Variants in SCART1 observed in about 807,000 individuals in gnomAD.
SCART1 encodes the protein scavenger receptor family member expressed on T cells 1, also known as scavenger receptor cysteine-rich domain-containing protein SCART1.
In SCART1, 62 loss-of-function variants were observed where a neutral mutation model predicts 36.2. That is an observed-to-expected ratio of 1.71 (90% confidence interval 1.40 to 2.12). The LOEUF (loss-of-function observed/expected upper bound fraction) is 2.12, where lower values mean the gene tolerates loss of function less well. Ranked by LOEUF, SCART1 falls within the 30% of genes most tolerant of loss-of-function variation. SCART1 has a pLI of 0.00. For missense variants in SCART1, 1,041 were observed against 540.5 expected (o/e 1.93, Z -9.18); for synonymous variants, 487 against 238.7 (o/e 2.04, Z -9.59).
At chr10:133,457,518 GACA>G (rs755815290) in exon 3 of SCART1, 24 of 702,632 alleles carry the variant, frequency 3.4e-5, no homozygotes, top group Middle Eastern at 2.3e-4. Flanking sequence ...CTGCAGACTG[GACA>G]ACAACTTCCG....
At chr10:133,465,287 G>C (rs753580422) in exon 9 of SCART1, 18 of 683,804 alleles carry the variant, frequency 2.6e-5, no homozygotes, top group Non-Finnish European at 2.7e-6. Flanking sequence ...GGCGAGGACC[G>C]CTGCTCCGGG....
chr10:133,458,621 G>A (rs1258644098), exon 4 of SCART1: 5 of 698,030 alleles, frequency 7.2e-6, no homozygotes, highest in African/African-American at 3.5e-5. Context: ...GGGAGCCAGT[G>A]TGGGCATGGT....
exon 12 of SCART1, chr10:133,467,867 C>T (rs1023970332): frequency 1.2e-5 from 8 of 692,740 alleles, no homozygotes. Context: ...GGTGTCTAAC[C>T]TCCTGGAGGG....
intron 6 of SCART1, 45 bp downstream of exon 6, chr10:133,460,215 T>A (rs969880792): frequency 2.2e-6 from 1 of 449,566 alleles, no homozygotes; most frequent in Non-Finnish European, 3.9e-6. Flanking sequence ...TTTTATTACG[T>A]ACAGTCATGC....
chr10:133,457,419 T>A (rs1196123334), exon 3 of SCART1: 1 of 701,932 alleles, frequency 1.4e-6, no homozygotes, highest in Non-Finnish European at 2.6e-6. Flanking sequence ...GGAGCTGGGG[T>A]GCGGCCCTGT....
At chr10:133,467,082 A>G in intron 10 of SCART1, 116 bp from the exon 11 acceptor site, 1 of 573,192 alleles carries the variant, frequency 1.7e-6, no homozygotes, top group South Asian at 2.2e-5. Context: ...CCCAGCCCAC[A>G]GCATCCTGCC....
intron 6 of SCART1, among the ~76,000 whole-genome samples, chr10:133,463,240 A>T (rs11817058): frequency 0.033 from 5,094 of 152,158 alleles, 147 homozygotes; most frequent in African/African-American, 0.077. Flanking sequence ...ACACACACAC[A>T]CTTAAATAAT....
downstream of SCART1, chr10:133,469,211 A>G (rs1479438917): frequency 6.6e-6 from 1 of 152,100 alleles, no homozygotes; most frequent in Non-Finnish European, 1.5e-5. Context: ...TCCTTCACCC[A>G]CTTTTTGATG....
exon 3 of SCART1, chr10:133,457,289 C>G (rs1381266238): frequency 2.9e-6 from 2 of 700,766 alleles, no homozygotes; most frequent in Non-Finnish European, 5.2e-6. Context: ...ACGGCACTTT[C>G]CGGGAGCTCC....
In SCART1 at chr10:133,457,709, G is replaced by A. The variant is rs76690644; in HGVS notation, c.682+134G>A. ...TCCTGCATGAGACATTGGGCGCAGA[G>A]GTGGGAAAGGGCCTCAGCTCTCACG... is the stretch of plus-strand genomic sequence containing the variant. On this transcript the variant is annotated intron_variant, in intron 3 of 11. Coordinates refer to ENST00000640237, the Ensembl canonical transcript of SCART1. 1,436 of 572,634 alleles carry A rather than the reference G, an allele frequency of 2.5e-3. 23 individuals carry two copies. In the East Asian group the frequency reaches 0.035, roughly 14 times the overall value. 35.5% of individuals were successfully genotyped at this position (572,634 alleles called of 1,614,324 possible). A position where few individuals can be genotyped will look rare whatever the true frequency, so the allele number is the denominator to read the frequency against.
intron 6 of SCART1, among the ~76,000 whole-genome samples, chr10:133,462,797 A>G (rs1387515827): frequency 6.6e-6 from 1 of 152,208 alleles, no homozygotes; most frequent in African/African-American, 2.4e-5. Context: ...GTGTCAGCCT[A>G]GGAACAGGCA....
exon 3 of SCART1, chr10:133,457,343 C>G (rs1487754965): frequency 2.9e-6 from 2 of 701,290 alleles, no homozygotes; most frequent in Non-Finnish European, 2.6e-6. Context: ...TCCCCGAGAT[C>G]AGAAACGTGA....
intron 6 of SCART1, among the ~76,000 whole-genome samples, chr10:133,462,132 C>T (rs182613281): frequency 6.4e-4 from 97 of 152,358 alleles, no homozygotes; most frequent in Non-Finnish European, 1.2e-3. Context: ...GCGGGGCACT[C>T]GTGGCTCCTG....
Position 133,456,132 on chromosome 10 carries a change from C to G in SCART1, c.68-105C>G, listed in dbSNP as rs368277786. On this transcript the variant is annotated intron_variant, in intron 1 of 11. Coordinates refer to ENST00000640237, the Ensembl canonical transcript of SCART1. ...GCTTGGTGGGGTGAGAGGAGCCCGACTCGCTGCTGAGGCCTCACAGGCCGT... is the reference window on the plus strand; with the variant it reads ...GCTTGGTGGGGTGAGAGGAGCCCGAGTCGCTGCTGAGGCCTCACAGGCCGT... 110 of 635,616 alleles carry G rather than the reference C, an allele frequency of 1.7e-4. No individual in the cohort carries two copies. The African/African-American group carries it at 1.9e-3, about 11-fold the overall frequency. The allele number at this position is 635,616 out of a possible 1,614,324, so 39.4% of individuals were successfully genotyped here.
exon 12 of SCART1, chr10:133,468,887 TTTA>T (rs1365097615): frequency 1.3e-5 from 2 of 152,186 alleles, no homozygotes; most frequent in African/African-American, 4.8e-5. Flanking sequence ...ATTTTTTTCT[TTTA>T]TTGTAGTATT....
At chr10:133,457,889 AG>A in intron 3 of SCART1, 4 of 524,290 alleles carry the variant, frequency 7.6e-6, no homozygotes, top group Admixed American at 7.0e-5. Flanking sequence ...GGGGTTGGGT[AG>A]AGGTCACTTC....
At chr10:133,467,606 G>C (rs1274575983) in intron 11 of SCART1, among the ~76,000 whole-genome samples, 2 of 152,146 alleles carry the variant, frequency 1.3e-5, no homozygotes, top group Admixed American at 1.3e-4. Flanking sequence ...GGGTGTGCTG[G>C]GAGCCGCGGG....
chr10:133,461,398 T>C (rs973418796), intron 6 of SCART1, among the ~76,000 whole-genome samples: 7 of 152,260 alleles, frequency 4.6e-5, no homozygotes, highest in East Asian at 1.9e-4. Context: ...GCTCTTCTCA[T>C]TGATTTTGGT....
intron 10 of SCART1, 81 bp downstream of exon 10, chr10:133,466,462 C>A: frequency 1.5e-6 from 1 of 661,090 alleles, no homozygotes; most frequent in South Asian, 1.7e-5. Context: ...GTGTTGGGGT[C>A]TGGGCAGGCG....
Sources: gnomAD v4.1 joint callset for allele counts (sites outside exome capture counted in the v4.1 genomes callset) on GRCh38, gnomAD v4.1.1 for gene constraint, MANE v1.5 for transcripts, NCBI Gene and HGNC (gene_info 2026-07-23, HGNC 2026-07-21) for gene names.